Variants in CCDC7 observed in about 807,000 individuals in gnomAD.
The protein encoded by CCDC7 is coiled-coil domain-containing protein 7.
CCDC7 carries 183 observed loss-of-function variants against 196.9 expected under a neutral mutation model. The ratio of observed to expected loss-of-function variants is 0.93; its 90% confidence interval spans 0.82 to 1.05. The LOEUF (loss-of-function observed/expected upper bound fraction) is 1.05, where lower values mean the gene tolerates loss of function less well. Among genes scored for constraint, CCDC7 ranks in the 50% least tolerant of loss-of-function variants. The pLI, the probability that CCDC7 is intolerant of heterozygous loss-of-function variation, is 0.00. For synonymous variants in CCDC7, 525 were observed against 484.6 expected (o/e 1.08, Z -1.10); for missense variants, 1,540 against 1,482.2 (o/e 1.04, Z -0.64).
chr10:32,730,166 G>C (rs889183913), intron 28 of CCDC7, among the ~76,000 whole-genome samples: 2 of 151,872 alleles, frequency 1.3e-5, no homozygotes, highest in Non-Finnish European at 2.9e-5. Flanking sequence ...CCCCACTCCA[G>C]ACAGGCCACT....
intron 13 of CCDC7, among the ~76,000 whole-genome samples, chr10:32,551,704 T>C (rs2053502419): frequency 6.6e-6 from 1 of 152,150 alleles, no homozygotes; most frequent in Non-Finnish European, 1.5e-5. Flanking sequence ...ATTTGCATGG[T>C]TTTGAAGGTT....
At chr10:32,841,612 A>T (rs970730202) in intron 33 of CCDC7, among the ~76,000 whole-genome samples, 2 of 152,094 alleles carry the variant, frequency 1.3e-5, no homozygotes, top group Non-Finnish European at 2.9e-5. Flanking sequence ...AGAAAAAACA[A>T]TCCTAAAATT....
rs369417233 is a variant in CCDC7 at position 32,650,985 on chromosome 10, C to A, written c.2015-13069C>A. 2.6e-5 allele frequency among the ~76,000 whole-genome samples: 4 copies of A among 152,290 alleles called. No individual in the cohort carries two copies. In the East Asian group the frequency reaches 7.7e-4, roughly 29 times the overall value. ...GCCCCAGTCCCACAGAGAAGCACAA[C>A]CTGTTTTCTCCTTGGTGGGTTCAGA... On this transcript the variant is annotated intron_variant, in intron 20 of 41. Coordinates refer to ENST00000639629, the Ensembl canonical transcript of CCDC7.
intron 18 of CCDC7, among the ~76,000 whole-genome samples, chr10:32,604,433 T>C (rs988213589): frequency 1.3e-5 from 2 of 152,142 alleles, no homozygotes; most frequent in African/African-American, 2.4e-5. Context: ...TTTGTGGTTC[T>C]ATAGAGATTT....
intron 29 of CCDC7, among the ~76,000 whole-genome samples, chr10:32,799,037 G>A (rs1388470229): frequency 2.0e-5 from 3 of 152,236 alleles, no homozygotes; most frequent in South Asian, 4.1e-4. Context: ...GCTCGAGCCC[G>A]ATCATGTATA....
At chr10:32,475,609 CGTAAGATCTTTTTTCA>C (rs1248971285) in intron 8 of CCDC7, among the ~76,000 whole-genome samples, 1 of 152,124 alleles carries the variant, frequency 6.6e-6, no homozygotes, top group Non-Finnish European at 1.5e-5. Context: ...TTTGCAAATT[CGTAAGATCTTTTTTCA>C]GTGGCAGTTG....
At chr10:32,706,716 C>T (rs1236687595) in intron 24 of CCDC7, among the ~76,000 whole-genome samples, 5 of 152,160 alleles carry the variant, frequency 3.3e-5, no homozygotes, top group African/African-American at 4.8e-5. Context: ...ACTAGAAAAT[C>T]TAGAAGAAAT....
At chr10:32,683,225 T>C (rs1342614262) in intron 21 of CCDC7, among the ~76,000 whole-genome samples, 2 of 152,244 alleles carry the variant, frequency 1.3e-5, no homozygotes, top group Non-Finnish European at 2.9e-5. Context: ...TAGCCTGTTA[T>C]CCTAGCACAA....
intron 24 of CCDC7, among the ~76,000 whole-genome samples, chr10:32,702,142 C>G (rs1023109287): frequency 6.6e-6 from 1 of 152,078 alleles, no homozygotes; most frequent in African/African-American, 2.4e-5. Context: ...TTCCTGCTTT[C>G]TCTTGTGGGC....
At position 32,854,397 on chromosome 10, in the gene CCDC7, T is replaced by C; in HGVS notation, c.4022-3T>C. On this transcript the variant is annotated splice_region_variant and splice_polypyrimidine_tract_variant and intron_variant, in intron 40 of 41. Coordinates refer to ENST00000639629, the Ensembl canonical transcript of CCDC7. ...TTTAATAACACTGTTCTCATTTTTT[T>C]AGGGCATTCGAAAGTTGTTACCTTA... is the stretch of plus-strand genomic sequence containing the variant. The C allele has an allele frequency of 6.4e-7, 1 of 1,565,492 alleles. No homozygotes were observed. Among genetic ancestry groups the C allele is most frequent in the Non-Finnish European group, 8.8e-7 (1 of 1,140,900 alleles).
At chr10:32,520,328 C>A (rs527727836) in intron 11 of CCDC7, among the ~76,000 whole-genome samples, 1 of 152,232 alleles carries the variant, frequency 6.6e-6, no homozygotes, top group South Asian at 2.1e-4. Context: ...AATTCACATT[C>A]TCACCAACAG....
chr10:32,658,017 A>G (rs1018404645), intron 20 of CCDC7, among the ~76,000 whole-genome samples: 1 of 152,146 alleles, frequency 6.6e-6, no homozygotes, highest in East Asian at 1.9e-4. Context: ...CTTCATCTCC[A>G]TCTGAGACCA....
In CCDC7 at chr10:32,591,923, G is replaced by GGTAC. The variant is rs899634107; in HGVS notation, c.1801+7620_1801+7623dup. 6.4e-4 allele frequency among the ~76,000 whole-genome samples: 97 copies of GGTAC among 152,252 alleles called. 3 individuals are homozygous for GGTAC. The highest frequency in any genetic ancestry group is 3.9e-4 in the Admixed American group (6 of 15,292). ...TGCTCTTTCTCACTGTGAGCGACAT[G>GGTAC]GTACCTAAGCTGTTTTTTGGTTCTT... On this transcript the variant is annotated intron_variant, in intron 18 of 41. Coordinates refer to ENST00000639629, the Ensembl canonical transcript of CCDC7.
chr10:32,505,808 CTGGG>C (rs1200918657), intron 9 of CCDC7, among the ~76,000 whole-genome samples: 1 of 137,616 alleles, frequency 7.3e-6, no homozygotes, highest in African/African-American at 2.8e-5. Flanking sequence ...TGATGGGTGG[CTGGG>C]CAGAGGCTCT....
At chr10:32,612,908 G>A (rs987518986) in intron 18 of CCDC7, among the ~76,000 whole-genome samples, 9 of 151,930 alleles carry the variant, frequency 5.9e-5, no homozygotes, top group African/African-American at 2.2e-4. Context: ...TCTCTGCCAG[G>A]TTTTGGTACC....
chr10:32,816,729 C>G lies in CCDC7; in HGVS notation c.3181+2276C>G, dbSNP rs573091011. Among the ~76,000 whole-genome samples the G allele has an allele frequency of 3.9e-5, 6 of 152,328 alleles. No individual in the cohort carries two copies. In the South Asian group the frequency reaches 1.0e-3, roughly 26 times the overall value. On this transcript the variant is annotated intron_variant, in intron 31 of 41. Coordinates refer to ENST00000639629, the Ensembl canonical transcript of CCDC7. ...CTGCTGATACCCAGGCAAACAGGGT[C>G]TGGAGTAGACCTCCAGCAAACTCCA...
intron 9 of CCDC7, among the ~76,000 whole-genome samples, chr10:32,501,124 G>C (rs1178399327): frequency 3.3e-5 from 5 of 151,962 alleles, no homozygotes; most frequent in Admixed American, 2.6e-4. Flanking sequence ...TTATTTCATT[G>C]AGTTGATCTT....
At chr10:32,768,288 C>T (rs1013034881) in intron 28 of CCDC7, among the ~76,000 whole-genome samples, 2 of 151,956 alleles carry the variant, frequency 1.3e-5, no homozygotes, top group Non-Finnish European at 2.9e-5. Flanking sequence ...TTATTTGTAG[C>T]TATTGTAAGT....
chr10:32,460,382 A>G (rs1157040360), intron 3 of CCDC7, among the ~76,000 whole-genome samples: 1 of 152,152 alleles, frequency 6.6e-6, no homozygotes, highest in African/African-American at 2.4e-5. Context: ...AATGATCTAG[A>G]TTTAGCAGTA....
Sources: allele counts gnomAD v4.1 joint callset (sites outside exome capture counted in the v4.1 genomes callset), GRCh38; gene constraint gnomAD v4.1.1; transcripts MANE v1.5; gene names NCBI Gene and HGNC (gene_info 2026-07-23, HGNC 2026-07-21).